The following MTHFD2L variants were observed in gnomAD, a reference collection of about 807,000 sequenced individuals.
MTHFD2L encodes bifunctional methylenetetrahydrofolate dehydrogenase/cyclohydrolase 2, mitochondrial.
Under a neutral mutation model 34.9 loss-of-function variants are expected in MTHFD2L, and 29 were observed. That is an observed-to-expected ratio of 0.83 (90% CI 0.62 to 1.13). The LOEUF (loss-of-function observed/expected upper bound fraction) is 1.13. MTHFD2L is among the 50% of genes most tolerant of loss of function. The pLI, the probability that MTHFD2L is intolerant of heterozygous loss-of-function variation, is 0.00. For missense variants in MTHFD2L, 481 were observed against 446.5 expected (o/e 1.08, Z -0.70); for synonymous variants, 167 against 155.7 (o/e 1.07, Z -0.54).
At position 74,199,975 on chromosome 4, in the gene MTHFD2L, G is replaced by C. The variant is rs377151717; in HGVS notation, c.604+29G>C. ...GGTAATTTGTGGTCTGCAGGACATG[G>C]ATGCTAGGTGCTGAGCTGAGCCTTT... On this transcript the variant is annotated intron_variant, in intron 4 of 7. Coordinates refer to ENST00000325278, the MANE Select transcript of MTHFD2L (RefSeq NM_001144978.3). 2.4e-5 allele frequency: 38 copies of C among 1,612,110 alleles called. No individual in the cohort carries two copies. In the African/African-American group the frequency reaches 3.6e-4, roughly 15 times the overall value.
At chr4:74,222,429 A>G (rs1409964562) in intron 5 of MTHFD2L, among the ~76,000 whole-genome samples, 1 of 152,126 alleles carries the variant, frequency 6.6e-6, no homozygotes, top group Non-Finnish European at 1.5e-5. Flanking sequence ...AGTGGGCTGA[A>G]CTTGTTCATT....
rs1189174853 is a variant in MTHFD2L at position 74,161,829 on chromosome 4, C to CT, written c.143+3552dup. 2.0e-5 allele frequency: 3 copies of CT among 152,274 alleles called. No individual in the cohort carries two copies. The East Asian group carries it at 5.8e-4, about 29-fold the overall frequency. 9.4% of individuals were successfully genotyped at this position (152,274 alleles called of 1,614,324 possible). A position where few individuals can be genotyped will look rare whatever the true frequency, so the allele number is the denominator to read the frequency against. On this transcript the variant is annotated intron_variant, in intron 1 of 7. Transcript: ENST00000325278. ...GCAGAAAGGAGCAGCACCAGATGAT[C>CT]TTTTCATGGGCACGTACTCTTTCAA...
intron 6 of MTHFD2L, among the ~76,000 whole-genome samples, chr4:74,258,978 A>G (rs1450138316): frequency 2.6e-5 from 4 of 152,264 alleles, no homozygotes; most frequent in Non-Finnish European, 4.4e-5. Context: ...CATCATGGTC[A>G]TATAGCAAAT....
chr4:74,147,814 A>G (rs1723686687), intron 1 of MTHFD2L, among the ~76,000 whole-genome samples: 1 of 152,160 alleles, frequency 6.6e-6, no homozygotes, highest in African/African-American at 2.4e-5. Flanking sequence ...GGCCATTTGG[A>G]AAAATGTCGA....
At chr4:74,176,955 G>A (rs141217339) in intron 3 of MTHFD2L, among the ~76,000 whole-genome samples, 1 of 151,868 alleles carries the variant, frequency 6.6e-6, no homozygotes, top group Non-Finnish European at 1.5e-5. Context: ...CTTAGCATAT[G>A]TTATAGCTTT....
At chr4:74,115,222 A>G (rs2109760765) in intron 2 of MTHFD2L, among the ~76,000 whole-genome samples, 1 of 152,316 alleles carries the variant, frequency 6.6e-6, no homozygotes, top group African/African-American at 2.4e-5. Context: ...TGACCATAGG[A>G]GAGACTGCGA....
chr4:74,194,178 T>C (rs1346988215), intron 3 of MTHFD2L: 1 of 152,204 alleles, frequency 6.6e-6, no homozygotes, highest in Non-Finnish European at 1.5e-5. Context: ...TCAGGGGTCA[T>C]TCAGAGATAC....
chr4:74,129,884 T>C (rs1179509504), intron 1 of MTHFD2L, among the ~76,000 whole-genome samples: 2 of 151,302 alleles, frequency 1.3e-5, no homozygotes, highest in East Asian at 1.9e-4. Flanking sequence ...ATAGACACAA[T>C]AAAAAATGAC....
chr4:74,145,446 G>A (rs553353750), intron 1 of MTHFD2L, among the ~76,000 whole-genome samples: 2 of 152,234 alleles, frequency 1.3e-5, no homozygotes, highest in South Asian at 4.1e-4. Context: ...GAGGCAGGGA[G>A]GTGATGTCCT....
At chr4:74,136,129 CT>C (rs1016929861) in intron 1 of MTHFD2L, among the ~76,000 whole-genome samples, 1 of 151,858 alleles carries the variant, frequency 6.6e-6, no homozygotes, top group African/African-American at 2.4e-5. Context: ...ACTGGAAGTC[CT>C]GGCCAGAGCA....
chr4:74,203,352 AAG>A (rs1734763349), intron 5 of MTHFD2L, among the ~76,000 whole-genome samples: 1 of 152,094 alleles, frequency 6.6e-6, no homozygotes, highest in African/African-American at 2.4e-5. Context: ...TCTGTAAATA[AAG>A]ATAGTGATTC....
chr4:74,231,732 G>A (rs2110140886), intron 6 of MTHFD2L, among the ~76,000 whole-genome samples: 1 of 152,244 alleles, frequency 6.6e-6, no homozygotes, highest in Non-Finnish European at 1.5e-5. Flanking sequence ...TCTGTTCATT[G>A]ATGTGATTTA....
chr4:74,151,229 A>T (rs1269173408), intron 1 of MTHFD2L, among the ~76,000 whole-genome samples: 3 of 152,250 alleles, frequency 2.0e-5, no homozygotes, highest in Admixed American at 1.3e-4. Context: ...TGGTAGTCAC[A>T]TTAATTATCA....
intron 1 of MTHFD2L, among the ~76,000 whole-genome samples, chr4:74,143,724 G>A (rs553186226): frequency 6.5e-4 from 98 of 151,532 alleles, no homozygotes; most frequent in African/African-American, 2.3e-3. Flanking sequence ...TTTGGGTTGT[G>A]GAAAATAAGA....
At chr4:74,234,140 G>C (rs1173413703) in intron 6 of MTHFD2L, among the ~76,000 whole-genome samples, 1 of 151,846 alleles carries the variant, frequency 6.6e-6, no homozygotes, top group African/African-American at 2.4e-5. Context: ...GTATATCATG[G>C]GCTTGGGAAG....
intron 6 of MTHFD2L, among the ~76,000 whole-genome samples, chr4:74,231,645 A>G (rs544990043): frequency 6.6e-6 from 1 of 152,278 alleles, no homozygotes; most frequent in South Asian, 2.1e-4. Flanking sequence ...AGGCCTTTCT[A>G]AAGTAAGAAT....
upstream of MTHFD2L, among the ~76,000 whole-genome samples, chr4:74,154,764 A>C (rs1724142305): frequency 6.6e-6 from 1 of 152,172 alleles, no homozygotes; most frequent in South Asian, 2.1e-4. Flanking sequence ...ATTAGAAACC[A>C]ATATCTGGGC....
chr4:74,165,759 C>T (rs1726562804), intron 1 of MTHFD2L, among the ~76,000 whole-genome samples: 1 of 152,192 alleles, frequency 6.6e-6, no homozygotes. Context: ...GGTACTGTCT[C>T]TATAGATGCT....
intron 6 of MTHFD2L, among the ~76,000 whole-genome samples, chr4:74,272,560 G>T (rs1746131592): frequency 6.6e-6 from 1 of 151,560 alleles, no homozygotes. Flanking sequence ...TCTGTTTACA[G>T]TATCTGCAAC....
Sources: gnomAD v4.1 joint callset for allele counts (sites outside exome capture counted in the v4.1 genomes callset) on GRCh38, gnomAD v4.1.1 for gene constraint, MANE v1.5 for transcripts, NCBI Gene and HGNC (gene_info 2026-07-23, HGNC 2026-07-21) for gene names.